The following CEP89 variants were observed in gnomAD, a reference collection of about 807,000 sequenced individuals.
CEP89 encodes centrosomal protein 89.
A neutral mutation model predicts 97.6 loss-of-function variants in CEP89; 95 were observed. The observed-to-expected ratio is 0.97, with a 90% CI of 0.82 to 1.15. CEP89 has a LOEUF of 1.15. CEP89 is among the 50% of genes most tolerant of loss of function. The pLI, the probability that CEP89 is intolerant of heterozygous loss-of-function variation, is 0.00. For synonymous variants in CEP89, 354 were observed against 349.1 expected (o/e 1.01, Z -0.16); for missense variants, 869 against 947.7 (o/e 0.92, Z 1.09).
At chr19:32,910,265 C>CAGAGAGAGAGAGAGAGAGAGAGAGAG (rs71336978) in intron 14 of CEP89, among the ~76,000 whole-genome samples, 1 of 140,568 alleles carries the variant, frequency 7.1e-6, no homozygotes, top group Admixed American at 7.2e-5. Flanking sequence ...GACTCTGCCT[C>CAGAGAGAGAGAGAGAGAGAGAGAGAG]AGAGAGAGAG....
chr19:32,932,771 G>A (rs954455436), intron 8 of CEP89, among the ~76,000 whole-genome samples: 1 of 147,582 alleles, frequency 6.8e-6, no homozygotes, highest in South Asian at 2.1e-4. Context: ...AGGCCTCACT[G>A]CTATAAAAAA....
intron 16 of CEP89, among the ~76,000 whole-genome samples, chr19:32,890,332 G>A (rs921823015): frequency 5.3e-5 from 8 of 152,082 alleles, no homozygotes; most frequent in Middle Eastern, 3.2e-3. Flanking sequence ...CCCAGGAGGC[G>A]GAGGTTGCAG....
intron 13 of CEP89, among the ~76,000 whole-genome samples, chr19:32,917,145 G>A (rs1003275948): frequency 6.6e-6 from 1 of 152,174 alleles, no homozygotes; most frequent in African/African-American, 2.4e-5. Context: ...TCCTCTTTCT[G>A]TTCAGATCTG....
intron 9 of CEP89, among the ~76,000 whole-genome samples, chr19:32,929,160 A>C (rs1970419651): frequency 6.6e-6 from 1 of 152,240 alleles, no homozygotes; most frequent in South Asian, 2.1e-4. Context: ...TGGACACTGC[A>C]ACGCAACCCT....
At chr19:32,965,438 C>T (rs373436406) in intron 2 of CEP89, among the ~76,000 whole-genome samples, 10 of 150,720 alleles carry the variant, frequency 6.6e-5, no homozygotes, top group South Asian at 4.2e-4. Context: ...CAGTGGCTCA[C>T]GTCTGTAATC....
intron 15 of CEP89, among the ~76,000 whole-genome samples, chr19:32,900,888 C>CTTT (rs34188586): frequency 5.8e-5 from 8 of 138,168 alleles, no homozygotes; most frequent in African/African-American, 1.1e-4. Context: ...CTTCATTTGT[C>CTTT]TTTTTTTTTT....
intron 8 of CEP89, among the ~76,000 whole-genome samples, chr19:32,932,367 G>C (rs995959330): frequency 4.6e-5 from 7 of 151,618 alleles, no homozygotes; most frequent in Non-Finnish European, 8.8e-5. Flanking sequence ...AATTATGCAG[G>C]GTCTATGTGA....
chr19:32,918,382 G>T, intron 12 of CEP89, 43 bp from the exon 13 acceptor site: 1 of 1,419,510 alleles, frequency 7.0e-7, no homozygotes, highest in South Asian at 1.2e-5. Flanking sequence ...TTCAGGTGCT[G>T]AATGGTTACA....
At position 32,915,393 on chromosome 19, in the gene CEP89, G is replaced by C. The variant is rs1365259884; in HGVS notation, c.1509C>G (p.His503Gln). 6.2e-7 allele frequency: 1 copy of C among 1,613,322 alleles called. No individual in the cohort carries two copies. Among genetic ancestry groups the C allele is most frequent in the Non-Finnish European group, 8.5e-7 (1 of 1,179,760 alleles). Reference sequence around the variant, plus strand: ...CTTCCACTGCGATTTTGCCATCCGAGTGTGTTTTGAGTTCTTGGCATTTGG... The same window carrying C: ...CTTCCACTGCGATTTTGCCATCCGACTGTGTTTTGAGTTCTTGGCATTTGG... ...LRAKCQELKT[H>Q]SDGKIAVEVH... The change falls in exon 14 of 19, where the codon CAC becomes CAG. Residue 503 changes from histidine (H) to glutamine (Q), a missense_variant. By Grantham distance (24) the His-to-Gln change is conservative. Coordinates refer to ENST00000305768, the MANE Select transcript of CEP89 (RefSeq NM_032816.5).
At chr19:32,951,530 T>TACACACACAC (rs1161229765) in intron 4 of CEP89, among the ~76,000 whole-genome samples, 11 of 107,432 alleles carry the variant, frequency 1.0e-4, no homozygotes, top group African/African-American at 4.5e-4. Context: ...TATATATATA[T>TACACACACAC]ATATACACAC....
intron 4 of CEP89, among the ~76,000 whole-genome samples, chr19:32,952,747 C>T (rs1363221570): frequency 1.3e-5 from 2 of 149,206 alleles, no homozygotes; most frequent in Admixed American, 1.3e-4. Flanking sequence ...CTACAAAAAG[C>T]ACAAAAAATA....
At chr19:32,895,401 T>C (rs370762412) in intron 16 of CEP89, among the ~76,000 whole-genome samples, 2 of 151,858 alleles carry the variant, frequency 1.3e-5, no homozygotes, top group Admixed American at 6.6e-5. Context: ...CAGAAAAAAA[T>C]TGGATAAAAA....
At position 32,882,028 on chromosome 19, in the gene CEP89, G is replaced by C; in HGVS notation, c.1966-15C>G. ...TTCTTGTAGCCCTGGTCGGGGGAAG[G>C]ACTCTGTGAATGAGGGGACGCTGCC... On this transcript the variant is annotated splice_polypyrimidine_tract_variant and intron_variant, in intron 17 of 18. Coordinates refer to ENST00000305768, the MANE Select transcript of CEP89 (RefSeq NM_032816.5). 1 of 1,554,082 alleles carries C rather than the reference G, an allele frequency of 6.4e-7. No individual in the cohort carries two copies. The highest frequency in any genetic ancestry group is 8.7e-7 in the Non-Finnish European group (1 of 1,149,378).
At chr19:32,881,609 A>G (rs1253444955) in intron 18 of CEP89, among the ~76,000 whole-genome samples, 1 of 152,192 alleles carries the variant, frequency 6.6e-6, no homozygotes, top group African/African-American at 2.4e-5. Context: ...GAGAAAGGCA[A>G]TTAGAGGTGT....
intron 10 of CEP89, among the ~76,000 whole-genome samples, chr19:32,926,545 C>T (rs1422844738): frequency 6.6e-6 from 1 of 152,152 alleles, no homozygotes; most frequent in Non-Finnish European, 1.5e-5. Context: ...CCCGCACAGG[C>T]TTGACCTCCT....
chr19:32,888,761 T>C (rs1969451968), intron 16 of CEP89, among the ~76,000 whole-genome samples: 2 of 152,038 alleles, frequency 1.3e-5, no homozygotes, highest in African/African-American at 4.8e-5. Flanking sequence ...GGTGCAGTCA[T>C]ACTTGGGGAA....
chr19:32,882,540 T>G (rs1311259889), intron 17 of CEP89, among the ~76,000 whole-genome samples: 1 of 147,982 alleles, frequency 6.8e-6, no homozygotes, highest in Non-Finnish European at 1.5e-5. Flanking sequence ...CTAGCCTGGG[T>G]GACACAGTGA....
chr19:32,951,213 G>A (rs893308976), intron 4 of CEP89, among the ~76,000 whole-genome samples: 1 of 151,978 alleles, frequency 6.6e-6, no homozygotes, highest in African/African-American at 2.4e-5. Context: ...ACTTTAAAAG[G>A]CTTGGCTGGG....
intron 14 of CEP89, among the ~76,000 whole-genome samples, chr19:32,904,898 C>A (rs913853849): frequency 1.3e-5 from 2 of 152,088 alleles, no homozygotes; most frequent in Non-Finnish European, 2.9e-5. Flanking sequence ...CCCAAAATAC[C>A]ATTTTCTACA....
Sources: gnomAD v4.1 joint callset for allele counts (sites outside exome capture counted in the v4.1 genomes callset) on GRCh38, gnomAD v4.1.1 for gene constraint, MANE v1.5 for transcripts, NCBI Gene and HGNC (gene_info 2026-07-23, HGNC 2026-07-21) for gene names.